STXBP6: variants seen among roughly 807,000 people sequenced by gnomAD.
STXBP6 encodes syntaxin-binding protein 6.
Under a neutral mutation model 26.9 loss-of-function variants are expected in STXBP6, and 21 were observed. The observed-to-expected ratio is 0.78, with a 90% CI of 0.55 to 1.12. The LOEUF is 1.12. STXBP6 is among the 50% of genes most tolerant of loss of function. The probability of loss-of-function intolerance (pLI) is 0.00; values close to 1 mark genes in which losing one functional copy is unlikely to be tolerated. For missense variants in STXBP6, 232 were observed against 257.9 expected, an observed-to-expected ratio of 0.90 and a Z score of 0.69; for synonymous variants, 97 against 92.6, an observed-to-expected ratio of 1.05 and a Z score of -0.27.
chr14:24,871,605 T>C (rs1045138394), intron 2 of STXBP6, among the ~76,000 whole-genome samples: 2 of 152,212 alleles, frequency 1.3e-5, no homozygotes, highest in African/African-American at 4.8e-5. Context: ...GAATATTTAC[T>C]ACCTGCAGAA....
At chr14:24,928,480 A>T (rs2072263416) in intron 2 of STXBP6, among the ~76,000 whole-genome samples, 1 of 152,130 alleles carries the variant, frequency 6.6e-6, no homozygotes, top group South Asian at 2.1e-4. Flanking sequence ...TCTAGTTCAT[A>T]AATCCATTAT....
chr14:24,842,840 G>A (rs2068825934), intron 4 of STXBP6, among the ~76,000 whole-genome samples: 1 of 152,128 alleles, frequency 6.6e-6, no homozygotes, highest in Non-Finnish European at 1.5e-5. Flanking sequence ...TCTGTTATCT[G>A]CATTACAGCT....
At chr14:24,908,998 C>T (rs1053666142) in intron 2 of STXBP6, among the ~76,000 whole-genome samples, 2 of 152,286 alleles carry the variant, frequency 1.3e-5, no homozygotes, top group Non-Finnish European at 1.5e-5. Context: ...AGGTAAAATA[C>T]ACAGTAGTAA....
chr14:24,907,533 C>G (rs897896470), intron 2 of STXBP6, among the ~76,000 whole-genome samples: 1 of 152,080 alleles, frequency 6.6e-6, no homozygotes, highest in African/African-American at 2.4e-5. Context: ...ATCAGAATTG[C>G]CATGAGAGAG....
In STXBP6 at chr14:24,998,004, T is replaced by A. The variant is rs114492341; in HGVS notation, c.-32-23154A>T. Among the ~76,000 whole-genome samples the A allele has an allele frequency of 6.7e-3, 1,020 of 152,346 alleles. 8 individuals are homozygous for A. Among genetic ancestry groups the A allele is most frequent in the African/African-American group, 0.023 (955 of 41,582 alleles). On this transcript the variant is annotated intron_variant, in intron 1 of 5. Coordinates refer to ENST00000323944, the MANE Select transcript of STXBP6 (RefSeq NM_001394410.1). The stretch of plus-strand genomic sequence containing the variant: ...TTTCCAATTTTTCAATGGTAAAAAA[T>A]ATAACCACCATTGTGCATCTGTGCA...
At chr14:24,841,674 C>G (rs1463380936) in intron 4 of STXBP6, among the ~76,000 whole-genome samples, 5 of 152,114 alleles carry the variant, frequency 3.3e-5, no homozygotes, top group African/African-American at 4.8e-5. Context: ...GTCTTTGACC[C>G]TGGCCAGTCT....
intron 4 of STXBP6, among the ~76,000 whole-genome samples, chr14:24,838,542 G>C (rs1476869994): frequency 1.3e-5 from 2 of 152,068 alleles, no homozygotes; most frequent in South Asian, 4.2e-4. Context: ...AAATTAGCCA[G>C]GCGTGGTGGC....
At chr14:24,856,184 G>A in intron 3 of STXBP6, 83 bp from the exon 4 acceptor site, 1 of 1,340,838 alleles carries the variant, frequency 7.5e-7, no homozygotes, top group Non-Finnish European at 9.9e-7. Context: ...AGATTTATAA[G>A]GGCTAAAACA....
At position 24,948,415 on chromosome 14, in the gene STXBP6, G is replaced by A. The variant is rs35084807; in HGVS notation, c.154+26250C>T. Among the ~76,000 whole-genome samples the A allele has an allele frequency of 1.3e-5, 2 of 152,106 alleles. 1 individual carries two copies. On this transcript the variant is annotated intron_variant, in intron 2 of 5. Coordinates refer to ENST00000323944, the MANE Select transcript of STXBP6 (RefSeq NM_001394410.1). ...ATCTATGGGAAGTGCCAGGAGCTCA[G>A]GCTGTAGGGCAGCACTCTGTGGCAT...
chr14:24,870,338 C>A (rs2069882522), intron 2 of STXBP6, among the ~76,000 whole-genome samples: 1 of 152,096 alleles, frequency 6.6e-6, no homozygotes, highest in Non-Finnish European at 1.5e-5. Flanking sequence ...CAATGTTTTG[C>A]ATTCTTTTAA....
At chr14:24,918,969 C>T (rs116698008) in intron 2 of STXBP6, among the ~76,000 whole-genome samples, 2,020 of 152,056 alleles carry the variant, frequency 0.013, 31 homozygotes, top group African/African-American at 0.039. Flanking sequence ...GCAGAAGAAA[C>T]GAAAGCAGGT....
At chr14:24,960,472 T>C (rs1167081151) in intron 2 of STXBP6, among the ~76,000 whole-genome samples, 1 of 152,218 alleles carries the variant, frequency 6.6e-6, no homozygotes, top group African/African-American at 2.4e-5. Flanking sequence ...ATAAAGCATA[T>C]ATGAAACATG....
intron 2 of STXBP6, among the ~76,000 whole-genome samples, chr14:24,907,273 C>G (rs2071416239): frequency 6.6e-6 from 1 of 151,844 alleles, no homozygotes; most frequent in African/African-American, 2.4e-5. Flanking sequence ...AACACATACC[C>G]CAGAAATCTA....
chr14:24,968,952 C>T (rs2073818322), intron 2 of STXBP6, among the ~76,000 whole-genome samples: 2 of 152,138 alleles, frequency 1.3e-5, no homozygotes, highest in Admixed American at 1.3e-4. Flanking sequence ...GCTTCCCCAC[C>T]AGCCCCCCGT....
chr14:24,864,943 T>C (rs1264738803), intron 2 of STXBP6, among the ~76,000 whole-genome samples: 2 of 152,166 alleles, frequency 1.3e-5, no homozygotes, highest in Non-Finnish European at 2.9e-5. Flanking sequence ...ACCTTCTCTC[T>C]CTACTGTGTT....
At chr14:24,818,573 G>A (rs1294417255) in intron 5 of STXBP6, among the ~76,000 whole-genome samples, 1 of 152,170 alleles carries the variant, frequency 6.6e-6, no homozygotes, top group East Asian at 1.9e-4. Flanking sequence ...ACTGGGGCTT[G>A]CTTTGTGTCT....
intron 1 of STXBP6, among the ~76,000 whole-genome samples, chr14:25,024,344 A>C (rs1374972051): frequency 6.6e-6 from 1 of 152,200 alleles, no homozygotes; most frequent in African/African-American, 2.4e-5. Flanking sequence ...GTTATGTTAA[A>C]ATGTAAAATA....
intron 2 of STXBP6, among the ~76,000 whole-genome samples, chr14:24,859,625 C>T (rs898017569): frequency 1.3e-5 from 2 of 152,080 alleles, no homozygotes; most frequent in Non-Finnish European, 2.9e-5. Context: ...AGTGATTCAC[C>T]TTCTCTTTCC....
chr14:25,003,544 C>T (rs1174961622), intron 1 of STXBP6, among the ~76,000 whole-genome samples: 1 of 152,136 alleles, frequency 6.6e-6, no homozygotes, highest in Non-Finnish European at 1.5e-5. Flanking sequence ...AGCTACCGGG[C>T]AGGAAAAGAT....
Sources: gnomAD v4.1 joint callset for allele counts (sites outside exome capture counted in the v4.1 genomes callset) on GRCh38, gnomAD v4.1.1 for gene constraint, MANE v1.5 for transcripts, NCBI Gene and HGNC (gene_info 2026-07-23, HGNC 2026-07-21) for gene names.